CTTNBP2NL: variants seen among roughly 807,000 people sequenced by gnomAD.
The protein encoded by CTTNBP2NL is CTTNBP2 N-terminal like, also known as CTTNBP2 N-terminal-like protein.
CTTNBP2NL carries 16 observed loss-of-function variants against 32.5 expected under a neutral mutation model. The ratio of observed to expected loss-of-function variants is 0.49; its 90% CI spans 0.33 to 0.75. CTTNBP2NL has a LOEUF of 0.75. Ranked by LOEUF, CTTNBP2NL falls within the 30% of genes least tolerant of loss-of-function variation. CTTNBP2NL has a pLI of 0.02. For synonymous variants in CTTNBP2NL, 298 were observed against 289.4 expected, an observed-to-expected ratio of 1.03 and a Z score of -0.30; for missense variants, 645 against 756.0, an observed-to-expected ratio of 0.85 and a Z score of 1.72.
At chr1:112,437,642 G>A (rs1649774690) in intron 3 of CTTNBP2NL, among the ~76,000 whole-genome samples, 1 of 152,114 alleles carries the variant, frequency 6.6e-6, no homozygotes, top group African/African-American at 2.4e-5. Context: ...TCCTGCCTCA[G>A]CCTCCCAAGT....
At chr1:112,392,027 C>A (rs1230282909), upstream of CTTNBP2NL, among the ~76,000 whole-genome samples, 1 of 137,156 alleles carries the variant, frequency 7.3e-6, no homozygotes, top group African/African-American at 3.5e-5. Context: ...TAAAATAAGT[C>A]CAAACTTTAC....
At chr1:112,400,697 C>T (rs1395378956) in intron 1 of CTTNBP2NL, among the ~76,000 whole-genome samples, 1 of 152,106 alleles carries the variant, frequency 6.6e-6, no homozygotes, top group East Asian at 1.9e-4. Flanking sequence ...GAGGCTGAGG[C>T]AGGAGAATGG....
chr1:112,407,289 G>T (rs1648696067), intron 1 of CTTNBP2NL, among the ~76,000 whole-genome samples: 1 of 152,184 alleles, frequency 6.6e-6, no homozygotes, highest in Admixed American at 6.5e-5. Context: ...GTGTGAGTTT[G>T]CTAGGGCTGC....
In CTTNBP2NL at chr1:112,397,227, A is replaced by G. The variant is rs1195929520; in HGVS notation, c.-134+955A>G. The stretch of plus-strand genomic sequence containing the variant: ...CAGTATACATAAGTAAATAAGTAGC[A>G]GTGGATTAGGAATGAGTATATCCCA... On this transcript the variant is annotated intron_variant, in intron 1 of 5. Transcript: ENST00000271277. Among the ~76,000 whole-genome samples the G allele has an allele frequency of 2.6e-5, 4 of 152,214 alleles. No individual in the cohort carries two copies. In the South Asian group the frequency reaches 6.2e-4, roughly 24 times the overall value.
rs899282673 is a variant in CTTNBP2NL, at chr1:112,457,665, T to C, written c.*253T>C. ...CTCAAGCTCAGCAGTCACCGTCATG[T>C]TGTGATGAAGAAAGCGAATCACCAG... On this transcript the variant is annotated 3_prime_UTR_variant, in exon 6 of 6. Coordinates refer to ENST00000271277, the MANE Select transcript of CTTNBP2NL (RefSeq NM_018704.3). 5.1e-6 allele frequency: 2 copies of C among 392,178 alleles called. No individual in the cohort carries two copies. Among genetic ancestry groups the C allele is most frequent in the Admixed American group, 8.3e-5 (2 of 24,150 alleles). 24.3% of individuals were successfully genotyped at this position (392,178 alleles called of 1,614,324 possible).
chr1:112,447,056 C>T (rs1181869988), intron 3 of CTTNBP2NL, among the ~76,000 whole-genome samples: 2 of 151,960 alleles, frequency 1.3e-5, no homozygotes, highest in South Asian at 2.1e-4. Context: ...GGGTGGATCA[C>T]GAGGTCGGGA....
chr1:112,437,370 T>C (rs1460241827), intron 3 of CTTNBP2NL, among the ~76,000 whole-genome samples: 1 of 152,250 alleles, frequency 6.6e-6, no homozygotes, highest in Non-Finnish European at 1.5e-5. Context: ...TTTGCATTTC[T>C]CTAATGATCA....
chr1:112,452,645 C>CTTTTT (rs34842059), intron 4 of CTTNBP2NL, among the ~76,000 whole-genome samples: 2 of 133,098 alleles, frequency 1.5e-5, no homozygotes, highest in African/African-American at 6.2e-5. Context: ...CTCCTGGCCT[C>CTTTTT]TTTTTTTTTT....
intron 1 of CTTNBP2NL, among the ~76,000 whole-genome samples, chr1:112,409,522 C>T (rs898923349): frequency 6.6e-6 from 1 of 152,074 alleles, no homozygotes; most frequent in Non-Finnish European, 1.5e-5. Flanking sequence ...AAACCTACCA[C>T]CTGGAAAGAA....
intron 3 of CTTNBP2NL, among the ~76,000 whole-genome samples, chr1:112,419,099 T>C (rs1475710): frequency 0.57 from 86,487 of 151,948 alleles, 25,355 homozygotes; most frequent in South Asian, 0.71. Flanking sequence ...TTCGTTTCCA[T>C]TGATGCCTCA....
intron 3 of CTTNBP2NL, among the ~76,000 whole-genome samples, chr1:112,420,666 G>A (rs1396257860): frequency 6.6e-6 from 1 of 151,480 alleles, no homozygotes; most frequent in Non-Finnish European, 1.5e-5. Flanking sequence ...ACAGGGTTTT[G>A]CCATGTTACC....
In CTTNBP2NL at chr1:112,455,848, C is replaced by T. The variant is rs182829682; in HGVS notation, c.439-83C>T. On this transcript the variant is annotated intron_variant, in intron 5 of 5. Transcript: ENST00000271277. The stretch of plus-strand genomic sequence containing the variant: ...TAAGCACTGTGATGTGCATGTTAAT[C>T]CTGTATACCAGAGAACAGCTAACGA... 1.1e-4 allele frequency: 106 copies of T among 990,370 alleles called. 1 individual carries two copies. In the East Asian group the frequency reaches 2.6e-3, roughly 24 times the overall value. The allele number at this position is 990,370 out of a possible 1,614,324, so 61.3% of individuals were successfully genotyped here. A position where few individuals can be genotyped will look rare whatever the true frequency, so the allele number is the denominator to read the frequency against.
chr1:112,397,803 A>G (rs2100987356), intron 1 of CTTNBP2NL, among the ~76,000 whole-genome samples: 2 of 152,374 alleles, frequency 1.3e-5, no homozygotes, highest in East Asian at 3.9e-4. Context: ...GCTGATGGCA[A>G]TAAAATGCAA....
At chr1:112,408,218 T>A (rs1557884881) in intron 1 of CTTNBP2NL, among the ~76,000 whole-genome samples, 5 of 135,218 alleles carry the variant, frequency 3.7e-5, no homozygotes, top group Admixed American at 7.0e-5. Flanking sequence ...CTTTTTTTTT[T>A]AATTTTTTTT....
intron 1 of CTTNBP2NL, among the ~76,000 whole-genome samples, chr1:112,405,109 GTAA>G (rs2100992848): frequency 6.6e-6 from 1 of 152,222 alleles, no homozygotes; most frequent in East Asian, 1.9e-4. Context: ...CAGTTTCCTG[GTAA>G]TAATATTCTG....
intron 3 of CTTNBP2NL, among the ~76,000 whole-genome samples, chr1:112,447,130 C>T (rs1238772495): frequency 4.0e-5 from 6 of 151,650 alleles, no homozygotes; most frequent in Non-Finnish European, 8.8e-5. Context: ...AAAAATTAGC[C>T]GGGCGTGGTG....
chr1:112,410,803 T>C lies in CTTNBP2NL; in HGVS notation c.-133-1391T>C, dbSNP rs1277539591. Among the ~76,000 whole-genome samples the C allele has an allele frequency of 2.0e-5, 3 of 152,312 alleles. No individual in the cohort carries two copies. In the South Asian group the frequency reaches 6.2e-4, roughly 32 times the overall value. The stretch of plus-strand genomic sequence containing the variant: ...GAATGAGTCCATAGACTTAGAAATA[T>C]CTGTGTCTAAACTCTAAGGTAATTC... On this transcript the variant is annotated intron_variant, in intron 1 of 5. Transcript: ENST00000271277.
At chr1:112,429,974 G>A (rs112885885) in intron 3 of CTTNBP2NL, among the ~76,000 whole-genome samples, 76 of 152,242 alleles carry the variant, frequency 5.0e-4, no homozygotes, top group African/African-American at 1.8e-3. Context: ...AAATTAGTAA[G>A]AGGGAAGTGC....
At chr1:112,452,190 C>G (rs1018713) in intron 4 of CTTNBP2NL, among the ~76,000 whole-genome samples, 26 of 151,828 alleles carry the variant, frequency 1.7e-4, no homozygotes, top group Non-Finnish European at 2.9e-5. Context: ...GACAGGGTCT[C>G]GCTGTGTTGC....
Sources: gnomAD v4.1 joint callset for allele counts (sites outside exome capture counted in the v4.1 genomes callset) on GRCh38, gnomAD v4.1.1 for gene constraint, MANE v1.5 for transcripts, NCBI Gene and HGNC (gene_info 2026-07-23, HGNC 2026-07-21) for gene names.